Variants in GOLM1 observed in about 807,000 individuals in gnomAD.
The protein encoded by GOLM1 is epididymis luminal protein 46.
GOLM1 carries 31 observed loss-of-function variants against 50.5 expected under a neutral mutation model. The observed-to-expected ratio is 0.61, with a 90% CI of 0.46 to 0.83. GOLM1 has a LOEUF of 0.83. GOLM1 is among the 40% of genes least tolerant of loss of function. The probability of loss-of-function intolerance (pLI) is 0.00; values close to 1 mark genes in which losing one functional copy is unlikely to be tolerated. For missense variants in GOLM1, 491 were observed against 501.3 expected (o/e 0.98, Z 0.20); for synonymous variants, 178 against 192.8 (o/e 0.92, Z 0.64).
chr9:86,058,468 G>A (rs1255010872), intron 3 of GOLM1, among the ~76,000 whole-genome samples: 1 of 152,062 alleles, frequency 6.6e-6, no homozygotes, highest in African/African-American at 2.4e-5. Context: ...CAGCACTTTG[G>A]GAGGCCGAGG....
chr9:86,093,537 G>A (rs1223703479), intron 1 of GOLM1, among the ~76,000 whole-genome samples: 1 of 148,746 alleles, frequency 6.7e-6, no homozygotes, highest in Non-Finnish European at 1.5e-5. Context: ...GTCACTGCAT[G>A]CCAGCCTGGG....
At chr9:86,065,724 A>C (rs998669673) in intron 3 of GOLM1, among the ~76,000 whole-genome samples, 10 of 152,186 alleles carry the variant, frequency 6.6e-5, no homozygotes, top group Non-Finnish European at 1.0e-4. Flanking sequence ...CTGTCTCCTA[A>C]AGAAATGAAG....
At chr9:86,081,415 G>A (rs1200614984) in intron 1 of GOLM1, among the ~76,000 whole-genome samples, 3 of 151,754 alleles carry the variant, frequency 2.0e-5, no homozygotes, top group Non-Finnish European at 4.4e-5. Context: ...AGGCTGGTCT[G>A]GAACTCCCAA....
In GOLM1 at chr9:86,050,363, G is replaced by C. The variant is rs925284050; in HGVS notation, c.364+2174C>G. The stretch of plus-strand genomic sequence containing the variant: ...GTGTCTCTGCCAGGCTTTGGTATCA[G>C]GATGATGCTGGCCTCACAAAATGAG... On this transcript the variant is annotated intron_variant, in intron 4 of 9. Transcript: ENST00000388712. Among the ~76,000 whole-genome samples the C allele has an allele frequency of 7.9e-5, 12 of 152,178 alleles. No individual in the cohort carries two copies. In the East Asian group the frequency reaches 2.3e-3, roughly 29 times the overall value.
chr9:86,048,336 G>A (rs950561713), intron 4 of GOLM1, among the ~76,000 whole-genome samples: 11 of 151,970 alleles, frequency 7.2e-5, no homozygotes, highest in Admixed American at 2.0e-4. Flanking sequence ...ATAAACATAC[G>A]TGTGCATGTG....
chr9:86,079,001 C>T (rs1437781070), intron 2 of GOLM1, among the ~76,000 whole-genome samples, 191 bp downstream of exon 2: 2 of 152,182 alleles, frequency 1.3e-5, no homozygotes, highest in African/African-American at 4.8e-5. Flanking sequence ...GGGGACCTCT[C>T]CCACCCAAAG....
chr9:86,051,794 T>C (rs937489997), intron 4 of GOLM1, among the ~76,000 whole-genome samples: 1 of 151,302 alleles, frequency 6.6e-6, no homozygotes, highest in Non-Finnish European at 1.5e-5. Flanking sequence ...AAACGTAGGG[T>C]TACACAAACA....
intron 3 of GOLM1, among the ~76,000 whole-genome samples, chr9:86,062,731 G>T (rs555314599): frequency 3.3e-5 from 5 of 151,696 alleles, no homozygotes; most frequent in Non-Finnish European, 2.9e-5. Flanking sequence ...AAGCAAACGG[G>T]GGGGGCTGCC....
chr9:86,077,609 C>T lies in GOLM1; in HGVS notation c.130-18G>A, dbSNP rs779477007. 1.0e-5 allele frequency: 16 copies of T among 1,602,206 alleles called. No individual in the cohort carries two copies. The highest frequency in any genetic ancestry group is 9.4e-5 in the African/African-American group (7 of 74,636). ...ATCCGTGTCTACAAGGAGACCGTGG[C>T]ATTAGGGCTGATGCCAAGTTACCTG... On this transcript the variant is annotated intron_variant, in intron 2 of 9. Coordinates refer to ENST00000388712, the MANE Select transcript of GOLM1 (RefSeq NM_016548.4).
In GOLM1 at chr9:86,097,555, C is replaced by T. The variant is rs553353882; in HGVS notation, c.-22+1856G>A. 4.6e-5 allele frequency among the ~76,000 whole-genome samples: 7 copies of T among 152,290 alleles called. No homozygotes were observed. In the East Asian group the frequency reaches 1.3e-3, roughly 29 times the overall value. ...GCTCCCCCGCCCCCAATGGCCACCCCAGGTCCTTTGAGAAAGGCGGCTGGA... is the reference window on the plus strand; with the variant it reads ...GCTCCCCCGCCCCCAATGGCCACCCTAGGTCCTTTGAGAAAGGCGGCTGGA... On this transcript the variant is annotated intron_variant, in intron 1 of 9. Coordinates refer to ENST00000388712, the MANE Select transcript of GOLM1 (RefSeq NM_016548.4).
In GOLM1 at chr9:86,046,462, G is replaced by A. The variant is rs1206933208; in HGVS notation, c.467+8C>T. ...TGCACTGTGGCACGCGCTCTGAGGTGTACTCACAGGTCGTAGGAGAACTTC... is the reference window on the plus strand; with the variant it reads ...TGCACTGTGGCACGCGCTCTGAGGTATACTCACAGGTCGTAGGAGAACTTC... On this transcript the variant is annotated splice_region_variant and intron_variant, in intron 5 of 9. Coordinates refer to ENST00000388712, the MANE Select transcript of GOLM1 (RefSeq NM_016548.4). 6.5e-7 allele frequency: 1 copy of A among 1,542,682 alleles called. No individual in the cohort carries two copies. The highest frequency in any genetic ancestry group is 9.0e-7 in the Non-Finnish European group (1 of 1,114,826).
chr9:86,033,198 G>T, intron 9 of GOLM1, 84 bp downstream of exon 9: 3 of 758,686 alleles, frequency 4.0e-6, no homozygotes, highest in South Asian at 1.6e-5. Flanking sequence ...ATATAATTTT[G>T]GGGATTCATT....
intron 1 of GOLM1, among the ~76,000 whole-genome samples, chr9:86,093,305 A>C (rs1216693070): frequency 6.7e-6 from 1 of 148,196 alleles, no homozygotes; most frequent in Non-Finnish European, 1.5e-5. Context: ...TGAACTTGGG[A>C]GGCAGAGGTT....
Position 86,026,696 on chromosome 9 carries a change from T to C in GOLM1, c.*1121A>G, listed in dbSNP as rs1169912988. The C allele has an allele frequency of 2.0e-6, 2 of 982,746 alleles. No individual in the cohort carries two copies. The highest frequency in any genetic ancestry group is 1.1e-4 in the East Asian group (1 of 8,828). The allele number at this position is 982,746 out of a possible 1,614,324, so 60.9% of individuals were successfully genotyped here. The stretch of plus-strand genomic sequence containing the variant: ...AGAGCCTATTTACCATAAATAATAC[T>C]AAGAACCAACTCAAGTCAAACCTTA... On this transcript the variant is annotated 3_prime_UTR_variant, in exon 10 of 10. Coordinates refer to ENST00000388712, the MANE Select transcript of GOLM1 (RefSeq NM_016548.4).
intron 8 of GOLM1, among the ~76,000 whole-genome samples, chr9:86,033,926 T>TA (rs1280772235): frequency 6.6e-6 from 1 of 152,156 alleles, no homozygotes; most frequent in Non-Finnish European, 1.5e-5. Flanking sequence ...GGGTTTAACT[T>TA]ACATATTTTA....
intron 9 of GOLM1, among the ~76,000 whole-genome samples, chr9:86,028,806 A>AC (rs989251880): frequency 2.2e-5 from 3 of 139,370 alleles, no homozygotes; most frequent in African/African-American, 5.4e-5. Flanking sequence ...AGAAAGCCAT[A>AC]CCCCCATTGC....
chr9:86,051,363 A>T (rs889278910), intron 4 of GOLM1, among the ~76,000 whole-genome samples: 2 of 152,140 alleles, frequency 1.3e-5, no homozygotes, highest in Non-Finnish European at 2.9e-5. Flanking sequence ...GGAGAGTTCT[A>T]TAGATGTCTA....
At position 86,035,492 on chromosome 9, in the gene GOLM1, G is replaced by C; in HGVS notation, c.891C>G (p.Gly297=). The C allele has an allele frequency of 6.2e-7, 1 of 1,613,116 alleles. No individual in the cohort carries two copies. The highest frequency in any genetic ancestry group is 8.5e-7 in the Non-Finnish European group (1 of 1,179,942). ...GGGCAGCCTGCACCTGTGGGGTCTG[G>C]CCCAGTTCTCCGGCTCCCCCGAAGC... is the stretch of plus-strand genomic sequence containing the variant. The part of the protein sequence containing the change: ...GRGFGGAGEL[G]QTPQVQAALS... The change falls in exon 8 of 10, where the codon GGC becomes GGG. Residue 297 remains glycine, a synonymous_variant. Coordinates refer to ENST00000388712, the MANE Select transcript of GOLM1 (RefSeq NM_016548.4).
chr9:86,042,213 G>C (rs992677042), intron 5 of GOLM1, among the ~76,000 whole-genome samples: 12 of 152,314 alleles, frequency 7.9e-5, no homozygotes, highest in African/African-American at 2.9e-4. Context: ...AGAGTATTTT[G>C]ACAAGTGCCA....
Sources: gnomAD v4.1 joint callset for allele counts (sites outside exome capture counted in the v4.1 genomes callset) on GRCh38, gnomAD v4.1.1 for gene constraint, MANE v1.5 for transcripts, NCBI Gene and HGNC (gene_info 2026-07-23, HGNC 2026-07-21) for gene names.